Variants in IKZF2 observed in about 807,000 individuals in gnomAD.
The protein encoded by IKZF2 is IKAROS family zinc finger 2, also known as zinc finger protein Helios.
In IKZF2, 15 loss-of-function variants were observed where a neutral mutation model predicts 49.2. That is an observed-to-expected ratio of 0.30 (90% CI 0.20 to 0.47). The LOEUF (loss-of-function observed/expected upper bound fraction) is 0.47, where lower values mean the gene tolerates loss of function less well. Among genes scored for constraint, IKZF2 ranks in the 20% least tolerant of loss-of-function variants. The pLI, the probability that IKZF2 is intolerant of heterozygous loss-of-function variation, is 1.00. For missense variants in IKZF2, 567 were observed against 664.6 expected, an observed-to-expected ratio of 0.85 and a Z score of 1.61; for synonymous variants, 227 against 221.4, an observed-to-expected ratio of 1.03 and a Z score of -0.23.
intron 6 of IKZF2, among the ~76,000 whole-genome samples, chr2:213,031,730 T>G (rs569931637): frequency 4.6e-5 from 7 of 152,350 alleles, no homozygotes; most frequent in Middle Eastern, 6.8e-3. Context: ...TAAAATATTT[T>G]ATTGCTTATT....
intron 4 of IKZF2, among the ~76,000 whole-genome samples, chr2:213,063,481 A>G (rs1701889981): frequency 6.6e-6 from 1 of 151,998 alleles, no homozygotes; most frequent in African/African-American, 2.4e-5. Context: ...GGGGGAAATA[A>G]CACTTGATGT....
intron 4 of IKZF2, among the ~76,000 whole-genome samples, chr2:213,061,895 T>C (rs1701733104): frequency 6.6e-6 from 1 of 151,554 alleles, no homozygotes; most frequent in African/African-American, 2.4e-5. Flanking sequence ...AACTGAACAA[T>C]ATATAAATGT....
At chr2:213,117,800 T>C (rs1235460883) in intron 4 of IKZF2, among the ~76,000 whole-genome samples, 5 of 152,268 alleles carry the variant, frequency 3.3e-5, no homozygotes, top group African/African-American at 9.6e-5. Context: ...TATAATACTA[T>C]TAACCCTACT....
chr2:213,017,433 T>C (rs1696733760), intron 7 of IKZF2, among the ~76,000 whole-genome samples: 1 of 152,190 alleles, frequency 6.6e-6, no homozygotes, highest in African/African-American at 2.4e-5. Context: ...TTCTTTCTTC[T>C]ATTTTCCTAA....
At chr2:213,113,586 ACT>A (rs1471649852) in intron 4 of IKZF2, among the ~76,000 whole-genome samples, 1 of 152,176 alleles carries the variant, frequency 6.6e-6, no homozygotes, top group African/African-American at 2.4e-5. Flanking sequence ...AAATCCCCTA[ACT>A]CTGCAAATGT....
intron 4 of IKZF2, among the ~76,000 whole-genome samples, chr2:213,105,100 T>C (rs2059479999): frequency 6.6e-6 from 1 of 152,052 alleles, no homozygotes; most frequent in African/African-American, 2.4e-5. Context: ...TTCCTTTGAG[T>C]AGTGTCAAAA....
chr2:213,124,244 G>GCGCA (rs2060161750), intron 4 of IKZF2, among the ~76,000 whole-genome samples: 1 of 78,998 alleles, frequency 1.3e-5, no homozygotes, highest in Admixed American at 1.0e-4. Flanking sequence ...ATGCGCTCGC[G>GCGCA]CGCGCGCGCA....
chr2:213,027,444 T>C (rs911323425), intron 6 of IKZF2, among the ~76,000 whole-genome samples: 2 of 152,124 alleles, frequency 1.3e-5, no homozygotes, highest in Non-Finnish European at 1.5e-5. Context: ...ACTTACCCCT[T>C]CCTCTGAGGT....
chr2:213,051,481 A>G (rs1396572452), intron 5 of IKZF2, among the ~76,000 whole-genome samples: 2 of 151,986 alleles, frequency 1.3e-5, no homozygotes, highest in Admixed American at 6.6e-5. Flanking sequence ...AGTTCCCTTA[A>G]GTGGTATCTT....
intron 4 of IKZF2, among the ~76,000 whole-genome samples, chr2:213,099,698 T>C (rs1706429687): frequency 6.6e-6 from 1 of 152,172 alleles, no homozygotes; most frequent in Admixed American, 6.6e-5. Flanking sequence ...TGTGTAATCA[T>C]ATTATGAACA....
intron 4 of IKZF2, among the ~76,000 whole-genome samples, chr2:213,126,444 T>C (rs2060262063): frequency 6.6e-6 from 1 of 152,196 alleles, no homozygotes; most frequent in Non-Finnish European, 1.5e-5. Context: ...TTGTTTTTTA[T>C]GAGATTATCG....
intron 4 of IKZF2, among the ~76,000 whole-genome samples, chr2:213,098,571 T>C (rs1432948725): frequency 2.0e-5 from 3 of 152,094 alleles, no homozygotes; most frequent in African/African-American, 7.2e-5. Context: ...AATCTCAAAG[T>C]CTAACATAAC....
Position 213,007,611 on chromosome 2 carries a change from A to C in IKZF2, c.1330T>G (p.Leu444Val), listed in dbSNP as rs919198341. ...PAYMKEDVKA[L>V]DTTKAPKGSL... Reference sequence around the variant, plus strand: ...CCCTTAGGAGCCTTGGTAGTATCCAAAGCTTTGACATCCTCCTTCATGTAA... The same window carrying C: ...CCCTTAGGAGCCTTGGTAGTATCCACAGCTTTGACATCCTCCTTCATGTAA... Residue 444 changes from leucine to valine, a missense_variant, in exon 9 of 9, where the codon TTG becomes GTG. By Grantham distance (32) the Leu-to-Val change is conservative (BLOSUM62 1). Around this residue, in one of 5 missense-constraint regions of IKZF2, gnomAD observed 310 missense variants for 326.9 expected, o/e 0.95. Coordinates refer to ENST00000434687, the MANE Select transcript of IKZF2 (RefSeq NM_001387220.1). 6.2e-7 allele frequency: 1 copy of C among 1,613,728 alleles called. No homozygotes were observed.
intron 4 of IKZF2, among the ~76,000 whole-genome samples, chr2:213,075,242 A>G (rs1559239513): frequency 6.6e-6 from 1 of 152,064 alleles, no homozygotes; most frequent in Non-Finnish European, 1.5e-5. Flanking sequence ...CTAAAAGCTA[A>G]TCGCTGCTTT....
chr2:213,139,164 C>T (rs2060782011), intron 4 of IKZF2, among the ~76,000 whole-genome samples: 1 of 151,768 alleles, frequency 6.6e-6, no homozygotes, highest in Admixed American at 6.6e-5. Flanking sequence ...AGAAAGAACT[C>T]GTCGTAACCT....
intron 4 of IKZF2, among the ~76,000 whole-genome samples, chr2:213,122,689 T>A (rs1162735992): frequency 6.6e-6 from 1 of 152,236 alleles, no homozygotes; most frequent in Non-Finnish European, 1.5e-5. Flanking sequence ...CTCTTAAATT[T>A]ATATCCAATC....
At chr2:213,049,591 C>A (rs1700491467) in intron 6 of IKZF2, 122 bp downstream of exon 6, 1 of 628,378 alleles carries the variant, frequency 1.6e-6, no homozygotes, top group Non-Finnish European at 2.5e-6. Flanking sequence ...TTAATGTACA[C>A]CAATAACAAG....
At chr2:213,143,109 G>A (rs2060928919) in intron 4 of IKZF2, among the ~76,000 whole-genome samples, 1 of 151,828 alleles carries the variant, frequency 6.6e-6, no homozygotes, top group African/African-American at 2.4e-5. Flanking sequence ...TTCCAAATAT[G>A]ATAAAAATAT....
At chr2:213,107,609 C>A (rs1269508614) in intron 4 of IKZF2, among the ~76,000 whole-genome samples, 2 of 152,090 alleles carry the variant, frequency 1.3e-5, no homozygotes, top group Non-Finnish European at 2.9e-5. Flanking sequence ...GTGTAACTAC[C>A]TTCATGTATT....
Sources: gnomAD v4.1 joint callset for allele counts (sites outside exome capture counted in the v4.1 genomes callset) on GRCh38, gnomAD v4.1.1 for gene constraint, gnomAD v4.1.1 regional missense constraint, MANE v1.5 for transcripts, NCBI Gene and HGNC (gene_info 2026-07-23, HGNC 2026-07-21) for gene names.